The following PLEKHA6 variants were observed in gnomAD, a reference collection of about 807,000 sequenced individuals.
PLEKHA6 encodes the protein pleckstrin homology domain-containing family A member 6.
In PLEKHA6, 60 loss-of-function variants were observed where a neutral mutation model predicts 116.7. The ratio of observed to expected loss-of-function variants is 0.51; its 90% confidence interval spans 0.42 to 0.64. The LOEUF is 0.64. Ranked by LOEUF, PLEKHA6 falls within the 30% of genes least tolerant of loss-of-function variation. The pLI is 0.00. For missense variants in PLEKHA6, 1,338 were observed against 1,422.7 expected (o/e 0.94, Z 0.96); for synonymous variants, 489 against 556.1 (o/e 0.88, Z 1.70).
intron 15 of PLEKHA6, among the ~76,000 whole-genome samples, chr1:204,242,047 C>A (rs1280494996): frequency 3.3e-5 from 5 of 152,160 alleles, no homozygotes; most frequent in Non-Finnish European, 7.4e-5. Flanking sequence ...TTGCTCATGG[C>A]CCCTAGGAGG....
intron 1 of PLEKHA6, among the ~76,000 whole-genome samples, chr1:204,343,919 G>A (rs1051817754): frequency 6.6e-6 from 1 of 152,164 alleles, no homozygotes; most frequent in Non-Finnish European, 1.5e-5. Flanking sequence ...CGTCTATAAT[G>A]AGCTACATTA....
chr1:204,369,189 T>C (rs1673725057), intron 2 of PLEKHA6: 1 of 152,200 alleles, frequency 6.6e-6, no homozygotes, highest in Non-Finnish European at 1.5e-5. Flanking sequence ...AGCTATGCAC[T>C]TTGCCTCTGC....
chr1:204,374,651 G>T (rs962106231), intron 1 of PLEKHA6, among the ~76,000 whole-genome samples: 1 of 151,974 alleles, frequency 6.6e-6, no homozygotes, highest in Non-Finnish European at 1.5e-5. Flanking sequence ...TCCCAGCCTT[G>T]CATCTTCACC....
At chr1:204,286,303 G>A (rs534941111) in intron 1 of PLEKHA6, among the ~76,000 whole-genome samples, 4 of 152,156 alleles carry the variant, frequency 2.6e-5, no homozygotes, top group Non-Finnish European at 5.9e-5. Context: ...GAGAAGGAAG[G>A]CAGGGAGGCA....
In PLEKHA6 at chr1:204,248,806, C is replaced by T. The variant is rs755215266; in HGVS notation, c.1824+15G>A. On this transcript the variant is annotated intron_variant, in intron 12 of 22. Transcript: ENST00000272203. ...CTGATGAGGTGGGGTGCACGAACCC[C>T]GCTCCCTGGGTTACCGTGGTCGCCT... The T allele has an allele frequency of 5.3e-5, 85 of 1,611,512 alleles. 1 individual carries two copies. The highest frequency in any genetic ancestry group is 4.8e-4 in the Admixed American group (29 of 59,938).
chr1:204,337,290 C>A (rs1254900026), intron 1 of PLEKHA6, among the ~76,000 whole-genome samples: 1 of 152,110 alleles, frequency 6.6e-6, no homozygotes, highest in Non-Finnish European at 1.5e-5. Context: ...ATGAGGAGAC[C>A]AGAGCCAAAG....
chr1:204,265,558 G>A (rs1021897157), intron 5 of PLEKHA6, among the ~76,000 whole-genome samples: 2 of 152,212 alleles, frequency 1.3e-5, no homozygotes, highest in African/African-American at 4.8e-5. Context: ...GAACTCCAAA[G>A]CTAGCATTGT....
chr1:204,262,263 A>G (rs1666222620), intron 6 of PLEKHA6, among the ~76,000 whole-genome samples: 1 of 152,160 alleles, frequency 6.6e-6, no homozygotes, highest in African/African-American at 2.4e-5. Context: ...CTGGTGGTGG[A>G]GAGTGAGTCA....
At position 204,347,163 on chromosome 1, in the gene PLEKHA6, T is replaced by G. The variant is rs1240752251; in HGVS notation, c.-95+12531A>C. ...CTACAATATCACCTTTCTTATAGACTCGCATATACGTGGCCAAAGGAACAA... is the reference window on the plus strand; with the variant it reads ...CTACAATATCACCTTTCTTATAGACGCGCATATACGTGGCCAAAGGAACAA... On this transcript the variant is annotated intron_variant, in intron 1 of 22. Coordinates refer to ENST00000272203, the MANE Select transcript of PLEKHA6 (RefSeq NM_014935.5). 5 of 1,130,416 alleles carry G rather than the reference T, an allele frequency of 4.4e-6. No individual in the cohort carries two copies. In the East Asian group the frequency reaches 1.2e-4, roughly 26 times the overall value. The allele number at this position is 1,130,416 out of a possible 1,614,324, so 70.0% of individuals were successfully genotyped here. A position where few individuals can be genotyped will look rare whatever the true frequency, so the allele number is the denominator to read the frequency against.
At chr1:204,357,804 C>T (rs1335473339) in intron 1 of PLEKHA6, among the ~76,000 whole-genome samples, 1 of 152,254 alleles carries the variant, frequency 6.6e-6, no homozygotes, top group Non-Finnish European at 1.5e-5. Flanking sequence ...TAGGCCAGTC[C>T]CCTGGGCCAA....
At chr1:204,247,598 G>A in intron 12 of PLEKHA6, 138 bp from the exon 13 acceptor site, 1 of 585,102 alleles carries the variant, frequency 1.7e-6, no homozygotes, top group South Asian at 1.9e-5. Flanking sequence ...GAAGGAGAGG[G>A]GCACCAGGCT....
chr1:204,224,397 T>C (rs2102369954), intron 21 of PLEKHA6, among the ~76,000 whole-genome samples: 1 of 151,504 alleles, frequency 6.6e-6, no homozygotes, highest in East Asian at 2.0e-4. Context: ...AGAGACAACA[T>C]CCTCACTCAG....
rs1162682192 is a variant in PLEKHA6 at position 204,261,660 on chromosome 1, C to T, written c.382-212G>A. ...GTTCCAGCTGGTACCCACGTATCCA[C>T]CTTGGCTGGCTCTCTGGGCACCATT... is the stretch of plus-strand genomic sequence containing the variant. On this transcript the variant is annotated intron_variant, in intron 6 of 22. Coordinates refer to ENST00000272203, the MANE Select transcript of PLEKHA6 (RefSeq NM_014935.5). This position sits in a 1 kb window ranked among gnomAD's most constrained non-coding sequence, Gnocchi z 4.0. 6.6e-6 allele frequency among the ~76,000 whole-genome samples: 1 copy of T among 152,242 alleles called. No individual in the cohort carries two copies. The highest frequency in any genetic ancestry group is 2.4e-5 in the African/African-American group (1 of 41,474).
At chr1:204,314,794 A>T (rs1250612873) in intron 1 of PLEKHA6, among the ~76,000 whole-genome samples, 1 of 152,160 alleles carries the variant, frequency 6.6e-6, no homozygotes, top group African/African-American at 2.4e-5. Flanking sequence ...GCTGGTATGG[A>T]TGCCCACAAG....
At chr1:204,263,843 G>A (rs565420239) in intron 6 of PLEKHA6, among the ~76,000 whole-genome samples, 20 of 152,192 alleles carry the variant, frequency 1.3e-4, no homozygotes, top group Non-Finnish European at 2.8e-4. Flanking sequence ...TGGAGTCAGA[G>A]CTTTATTAAT....
At chr1:204,247,528 G>A in intron 12 of PLEKHA6, 68 bp from the exon 13 acceptor site, 1 of 1,019,308 alleles carries the variant, frequency 9.8e-7, no homozygotes, top group Middle Eastern at 2.1e-4. Context: ...ATCCTGCAAT[G>A]GACCCTGGGG....
intron 1 of PLEKHA6, among the ~76,000 whole-genome samples, chr1:204,351,280 C>T (rs1019926475): frequency 8.5e-5 from 13 of 152,206 alleles, no homozygotes; most frequent in African/African-American, 3.1e-4. Context: ...GACATGTTTC[C>T]CATGAAGCAG....
At chr1:204,341,978 G>A (rs1270797247) in intron 1 of PLEKHA6, among the ~76,000 whole-genome samples, 1 of 151,946 alleles carries the variant, frequency 6.6e-6, no homozygotes, top group Non-Finnish European at 1.5e-5. Context: ...TTTGATGTCA[G>A]GAATCAAGAG....
chr1:204,292,441 G>A (rs778381377), intron 1 of PLEKHA6, among the ~76,000 whole-genome samples: 17 of 152,128 alleles, frequency 1.1e-4, no homozygotes, highest in African/African-American at 2.7e-4. Context: ...GAGCTGCCCC[G>A]ACCTGGCTGA....
Sources: gnomAD v4.1 joint callset for allele counts (sites outside exome capture counted in the v4.1 genomes callset) on GRCh38, gnomAD v4.1.1 for gene constraint, Gnocchi (gnomAD v3.1) non-coding constraint, MANE v1.5 for transcripts, NCBI Gene and HGNC (gene_info 2026-07-23, HGNC 2026-07-21) for gene names.